HECTD2: variants seen among roughly 807,000 people sequenced by gnomAD.
HECTD2 encodes the protein HECT domain E3 ubiquitin protein ligase 2.
In HECTD2, 35 loss-of-function variants were observed where a neutral mutation model predicts 103.2. That is an observed-to-expected ratio of 0.34 (90% confidence interval 0.26 to 0.45). The LOEUF (loss-of-function observed/expected upper bound fraction) is 0.45, where lower values mean the gene tolerates loss of function less well. HECTD2 is among the 20% of genes least tolerant of loss of function. The pLI is 1.00. For missense variants in HECTD2, 596 were observed against 937.4 expected (o/e 0.64, Z 4.76); for synonymous variants, 281 against 329.9 (o/e 0.85, Z 1.61).
At chr10:91,503,471 C>T (rs1287524494) in intron 20 of HECTD2, among the ~76,000 whole-genome samples, 4 of 152,222 alleles carry the variant, frequency 2.6e-5, no homozygotes, top group African/African-American at 9.6e-5. Flanking sequence ...TCGGGAAGCG[C>T]AAGGGGTCAG....
intron 2 of HECTD2, among the ~76,000 whole-genome samples, chr10:91,427,378 G>T (rs958482135): frequency 1.4e-4 from 22 of 151,992 alleles, no homozygotes; most frequent in African/African-American, 4.1e-4. Flanking sequence ...TAATGGGATG[G>T]CTGGGTCAAA....
chr10:91,439,379 A>T (rs1844289065), intron 2 of HECTD2, among the ~76,000 whole-genome samples: 1 of 152,138 alleles, frequency 6.6e-6, no homozygotes, highest in South Asian at 2.1e-4. Flanking sequence ...CAAAGATCAG[A>T]TTATTGTAGA....
rs1845372964 is a variant in HECTD2 at position 91,462,091 on chromosome 10, G to A, written c.511-4G>A. On this transcript the variant is annotated splice_polypyrimidine_tract_variant and splice_region_variant and intron_variant, in intron 4 of 20. Transcript: ENST00000298068. ...TATACTTAATTCTTAAATTGAATTT[G>A]CAGAAAGATGCCACTGCCTCATTTA... The A allele has an allele frequency of 6.3e-7, 1 of 1,575,924 alleles. No individual in the cohort carries two copies. Among genetic ancestry groups the A allele is most frequent in the South Asian group, 1.1e-5 (1 of 88,026 alleles).
intron 3 of HECTD2, among the ~76,000 whole-genome samples, chr10:91,460,904 G>A (rs751416584): frequency 2.0e-5 from 3 of 152,092 alleles, no homozygotes; most frequent in Non-Finnish European, 2.9e-5. Context: ...TAAAAGTTAT[G>A]TAACCATTCA....
chr10:91,422,983 T>C (rs1843417189), intron 1 of HECTD2, among the ~76,000 whole-genome samples: 1 of 152,152 alleles, frequency 6.6e-6, no homozygotes, highest in African/African-American at 2.4e-5. Context: ...ATGAGAAGTT[T>C]CCCTAAAGTA....
At chr10:91,498,397 T>C (rs937606977) in intron 16 of HECTD2, among the ~76,000 whole-genome samples, 1 of 152,210 alleles carries the variant, frequency 6.6e-6, no homozygotes, top group African/African-American at 2.4e-5. Context: ...TTCAGAGTAC[T>C]CTCTAGGCAA....
intron 2 of HECTD2, among the ~76,000 whole-genome samples, chr10:91,452,603 AG>A (rs1844883456): frequency 6.6e-6 from 1 of 152,036 alleles, no homozygotes. Flanking sequence ...TGGCTTTATA[AG>A]AAGAGGAGGA....
intron 20 of HECTD2, among the ~76,000 whole-genome samples, chr10:91,505,837 A>T (rs1301277634): frequency 6.6e-6 from 1 of 151,990 alleles, no homozygotes; most frequent in Non-Finnish European, 1.5e-5. Flanking sequence ...TCAGCACCAC[A>T]CCACACCTAT....
chr10:91,483,469 C>T (rs1355538668), intron 8 of HECTD2, among the ~76,000 whole-genome samples: 1 of 151,866 alleles, frequency 6.6e-6, no homozygotes. Context: ...TTAAATGGCG[C>T]TTTCTCCTTA....
chr10:91,473,492 A>C (rs542760603), intron 5 of HECTD2, among the ~76,000 whole-genome samples: 21 of 152,304 alleles, frequency 1.4e-4, no homozygotes, highest in African/African-American at 4.8e-4. Context: ...GAGATATAAG[A>C]AAGAATGATG....
chr10:91,487,032 T>G lies in HECTD2; in HGVS notation c.1095-650T>G, dbSNP rs910781164. ...TTCATTCTTTCTAAATGCATTTATCTCTGTGTAGTTTGTGGCTTTTGTGCA... is the reference window on the plus strand; with the variant it reads ...TTCATTCTTTCTAAATGCATTTATCGCTGTGTAGTTTGTGGCTTTTGTGCA... On this transcript the variant is annotated intron_variant, in intron 10 of 20. Transcript: ENST00000298068. The surrounding 1 kb of genome is among the most constrained non-coding windows in gnomAD (Gnocchi z 4.1). The G allele has an allele frequency of 3.3e-5, 5 of 152,624 alleles. No homozygotes were observed. The highest frequency in any genetic ancestry group is 1.2e-4 in the African/African-American group (5 of 41,458). 9.5% of individuals were successfully genotyped at this position (152,624 alleles called of 1,614,324 possible). A position where few individuals can be genotyped will look rare whatever the true frequency, so the allele number is the denominator to read the frequency against.
intron 2 of HECTD2, among the ~76,000 whole-genome samples, chr10:91,445,486 G>A (rs939219516): frequency 2.0e-5 from 3 of 152,132 alleles, no homozygotes; most frequent in Non-Finnish European, 4.4e-5. Flanking sequence ...GTATGGGACT[G>A]GGTCATATTG....
chr10:91,502,665 A>C (rs187624169), intron 20 of HECTD2, among the ~76,000 whole-genome samples: 1 of 152,262 alleles, frequency 6.6e-6, no homozygotes, highest in East Asian at 1.9e-4. Context: ...AAAATGAAAA[A>C]ATTCAAGAGG....
intron 5 of HECTD2, among the ~76,000 whole-genome samples, chr10:91,468,875 G>C (rs1161540532): frequency 2.0e-5 from 3 of 149,056 alleles, no homozygotes; most frequent in Non-Finnish European, 4.4e-5. Context: ...ATTCAAAACT[G>C]TGGTGAGCTA....
chr10:91,429,675 T>C (rs1025394447), intron 2 of HECTD2, among the ~76,000 whole-genome samples: 6 of 152,282 alleles, frequency 3.9e-5, no homozygotes, highest in African/African-American at 7.2e-5. Flanking sequence ...TAGAGGTGTT[T>C]GTAGTATTCT....
chr10:91,509,910 T>A (rs533937834), intron 20 of HECTD2, among the ~76,000 whole-genome samples: 4 of 152,164 alleles, frequency 2.6e-5, no homozygotes, highest in Non-Finnish European at 4.4e-5. Flanking sequence ...AACCTGCACA[T>A]GTACCCCTGA....
rs1036163083 is a variant in HECTD2 at position 91,443,857 on chromosome 10, C to A, written c.269-16570C>A. On this transcript the variant is annotated intron_variant, in intron 2 of 20. Coordinates refer to ENST00000298068, the MANE Select transcript of HECTD2 (RefSeq NM_182765.6). ...CTACTTCAGTGTTACAATTTTATAT[C>A]CTTTATTAAATATGGCAACATCCAA... Among the ~76,000 whole-genome samples the A allele has an allele frequency of 4.7e-4, 71 of 152,258 alleles. 1 individual carries two copies. The highest frequency in any genetic ancestry group is 1.3e-3 in the African/African-American group (52 of 41,542).
chr10:91,434,036 A>T (rs961832429), intron 2 of HECTD2, among the ~76,000 whole-genome samples: 2 of 152,004 alleles, frequency 1.3e-5, no homozygotes, highest in East Asian at 3.9e-4. Context: ...CCTTTCTTTT[A>T]TTACAGTTTT....
intron 5 of HECTD2, among the ~76,000 whole-genome samples, chr10:91,470,714 T>C (rs1401475180): frequency 6.6e-6 from 1 of 151,694 alleles, no homozygotes; most frequent in African/African-American, 2.4e-5. Context: ...AAGAGTTCCA[T>C]CCCAAGATGG....
Sources: allele counts gnomAD v4.1 joint callset (sites outside exome capture counted in the v4.1 genomes callset), GRCh38; gene constraint gnomAD v4.1.1; non-coding constraint Gnocchi (gnomAD v3.1); transcripts MANE v1.5; gene names NCBI Gene and HGNC (gene_info 2026-07-23, HGNC 2026-07-21).